TPSG1: variants seen among roughly 807,000 people sequenced by gnomAD.
TPSG1 encodes tryptase gamma 1, also known as tryptase gamma.
TPSG1 carries 43 observed loss-of-function variants against 23.8 expected under a neutral mutation model. The ratio of observed to expected loss-of-function variants is 1.81; its 90% CI spans 1.42 to 2.33. The LOEUF is 2.33. Ranked by LOEUF, TPSG1 falls within the 30% of genes most tolerant of loss-of-function variation. The pLI is 0.00. For missense variants in TPSG1, 623 were observed against 438.6 expected, an observed-to-expected ratio of 1.42 and a Z score of -3.75; for synonymous variants, 302 against 201.3, an observed-to-expected ratio of 1.50 and a Z score of -4.23.
At position 1,222,862 on chromosome 16, in the gene TPSG1, A is replaced by G; in HGVS notation, c.301T>C (p.Ser101Pro). 5 of 1,610,678 alleles carry G rather than the reference A, an allele frequency of 3.1e-6. No homozygotes were observed. Among genetic ancestry groups the G allele is most frequent in the Non-Finnish European group, 3.4e-6 (4 of 1,179,190 alleles). Residue 101 changes from serine to proline, a missense_variant, in exon 4 of 6, where the codon TCT becomes CCT. Ser to Pro is a moderately conservative substitution (Grantham distance 74, BLOSUM62 -1). Transcript: ENST00000234798. ...TGCCTCACGGTGGAGAAGTGGGGAG[A>G]CAGAGTGATCTCCAGTTCCCCCAGG... is the stretch of plus-strand genomic sequence containing the variant. ...VHLGELEITL[S>P]PHFSTVRQII...
rs35574733 is a variant in TPSG1 at position 1,223,786 on chromosome 16, C to G, written c.74-192G>C. On this transcript the variant is annotated intron_variant, in intron 2 of 5. Transcript: ENST00000234798. The stretch of plus-strand genomic sequence containing the variant: ...GACGTCTCAGGAGCAGTGAGCGCGC[C>G]TGGGGCTCAGGTCGTCCTTTCTAAG... The G allele has an allele frequency of 7.1e-3, 4,531 of 640,280 alleles. 27 individuals carry two copies. The highest frequency in any genetic ancestry group is 9.8e-3 in the Non-Finnish European group (3,866 of 393,234). The allele number at this position is 640,280 out of a possible 1,614,324, so 39.7% of individuals were successfully genotyped here.
intron 1 of TPSG1, chr16:1,224,889 C>A: frequency 1.7e-6 from 1 of 598,502 alleles, no homozygotes. Context: ...CCAGGTCCTG[C>A]TCAGGAAAGA....
In TPSG1 at chr16:1,225,131, C is replaced by T. The variant is rs1029998283; in HGVS notation, c.46+76G>A. Reference sequence around the variant, plus strand: ...ATGTTTCTCCGTCTCAGACCAGCCCCCAGTTTCACCCCCATCAGGGGTCCA... The same window carrying T: ...ATGTTTCTCCGTCTCAGACCAGCCCTCAGTTTCACCCCCATCAGGGGTCCA... On this transcript the variant is annotated intron_variant, in intron 1 of 5. Transcript: ENST00000234798. 16 of 1,517,950 alleles carry T rather than the reference C, an allele frequency of 1.1e-5. No homozygotes were observed. The East Asian group carries it at 3.4e-4, about 33-fold the overall frequency. The allele number at this position is 1,517,950 out of a possible 1,614,324, so 94.0% of individuals were successfully genotyped here.
chr16:1,221,736 C>T lies in TPSG1; in HGVS notation c.*52G>A, dbSNP rs943871168. On this transcript the variant is annotated 3_prime_UTR_variant, in exon 6 of 6. Coordinates refer to ENST00000234798, the MANE Select transcript of TPSG1 (RefSeq NM_012467.4). The stretch of plus-strand genomic sequence containing the variant: ...AGCTTCTCAAGGGAGAGGGAGGGGG[C>T]GGAGCGGAATAAATAGTAACTTATT... 45 of 1,490,610 alleles carry T rather than the reference C, an allele frequency of 3.0e-5. No individual in the cohort carries two copies. The highest frequency in any genetic ancestry group is 8.3e-5 in the African/African-American group (6 of 72,346). 92.3% of individuals were successfully genotyped at this position (1,490,610 alleles called of 1,614,324 possible).
In TPSG1 at chr16:1,225,240, C is replaced by T. The variant is rs146375850; in HGVS notation, c.13G>A (p.Ala5Thr). ...GCCAGGAGCAGCAGGAGGCCACAGG[C>T]CCCAAGGGCCATGGTGTCTGCCCAC... MALG[A>T]CGLLLLLAVP... The change falls in exon 1 of 6, where the codon GCC (alanine) becomes ACC (threonine). Residue 5 changes from alanine to threonine, a missense_variant. Physicochemically the swap from Ala to Thr is moderately conservative, Grantham distance 58. Transcript: ENST00000234798. The T allele has an allele frequency of 4.6e-5, 73 of 1,575,972 alleles. No individual in the cohort carries two copies. Among genetic ancestry groups the T allele is most frequent in the Non-Finnish European group, 5.8e-5 (67 of 1,161,120 alleles).
chr16:1,222,423 A>C (rs913820151), intron 4 of TPSG1, 82 bp from the exon 5 acceptor site: 79 of 1,338,546 alleles, frequency 5.9e-5, no homozygotes, highest in Non-Finnish European at 7.6e-5. Context: ...GCCAGACACA[A>C]GTCCCATGCC....
chr16:1,222,204 C>CT lies in TPSG1; in HGVS notation c.648_649insA (p.Ala217SerfsTer28). On this transcript the variant is annotated frameshift_variant, in exon 5 of 6. Coordinates refer to ENST00000234798, the MANE Select transcript of TPSG1 (RefSeq NM_012467.4). LOFTEE classifies it low-confidence loss of function (END_TRUNC). The stretch of plus-strand genomic sequence containing the variant: ...CGGCCTGGCAGGCTCACCTGGCAGG[C>CT]ATCCCCGGGGCCCCGGGCACACAGC... 1.2e-6 allele frequency: 2 copies of CT among 1,611,516 alleles called. No individual in the cohort carries two copies. Among genetic ancestry groups the CT allele is most frequent in the Admixed American group, 3.3e-5 (2 of 59,984 alleles).
At position 1,221,934 on chromosome 16, in the gene TPSG1, C is replaced by T. The variant is rs779377466; in HGVS notation, c.820G>A (p.Gly274Ser). Reference sequence around the variant, plus strand: ...AGCCTGGGGTACCCAGACTCTGAGCCCCCTGATGCTGTGATGTGGCGGCGG... The same window carrying T: ...AGCCTGGGGTACCCAGACTCTGAGCTCCCTGATGCTGTGATGTGGCGGCGG... ...WIRRHITASG[G>S]SESGYPRLPL... The change falls in exon 6 of 6, where the codon GGC becomes AGC. Residue 274 changes from glycine to serine, a missense_variant. Coordinates refer to ENST00000234798, the MANE Select transcript of TPSG1 (RefSeq NM_012467.4). 2 of 1,611,346 alleles carry T rather than the reference C, an allele frequency of 1.2e-6. No individual in the cohort carries two copies. Among genetic ancestry groups the T allele is most frequent in the East Asian group, 2.2e-5 (1 of 44,828 alleles).
intron 2 of TPSG1, 145 bp from the exon 3 acceptor site, chr16:1,223,739 G>A: frequency 1.0e-6 from 1 of 982,968 alleles, no homozygotes; most frequent in Non-Finnish European, 1.5e-6. Flanking sequence ...CTCCCCAGAA[G>A]CATCGTGGGT....
At chr16:1,223,907 C>G (rs1024191151) in intron 2 of TPSG1, 2 of 422,368 alleles carry the variant, frequency 4.7e-6, no homozygotes, top group Non-Finnish European at 4.2e-6. Flanking sequence ...ACGGTGGAGC[C>G]CCCGAGAAGG....
intron 1 of TPSG1, 59 bp downstream of exon 1, chr16:1,225,148 A>T (rs1555522626): frequency 1.3e-6 from 2 of 1,529,852 alleles, no homozygotes; most frequent in Non-Finnish European, 1.8e-6. Context: ...CACCCCCATC[A>T]GGGGTCCAGG....
chr16:1,221,702 A>C lies in TPSG1; in HGVS notation c.*86T>G. On this transcript the variant is annotated 3_prime_UTR_variant, in exon 6 of 6. Coordinates refer to ENST00000234798, the MANE Select transcript of TPSG1 (RefSeq NM_012467.4). ...GTTAAATGTTGCAATAATCTGATGC[A>C]GAAGACTCAGCTTCTCAAGGGAGAG... is the stretch of plus-strand genomic sequence containing the variant. 1 of 1,298,922 alleles carries C rather than the reference A, an allele frequency of 7.7e-7. No homozygotes were observed. 80.5% of individuals were successfully genotyped at this position (1,298,922 alleles called of 1,614,324 possible).
At chr16:1,225,084 C>T in intron 1 of TPSG1, 123 bp downstream of exon 1, 2 of 1,259,812 alleles carry the variant, frequency 1.6e-6, no homozygotes, top group East Asian at 2.6e-5. Flanking sequence ...AGACACGGGG[C>T]CCCACAGGGT....
At chr16:1,223,226 C>G (rs947808055) in intron 3 of TPSG1, among the ~76,000 whole-genome samples, 197 bp downstream of exon 3, 1 of 152,244 alleles carries the variant, frequency 6.6e-6, no homozygotes, top group Admixed American at 6.5e-5. Context: ...AGGGAGCTGT[C>G]CATCCCTAGA....
chr16:1,221,723 G>A lies in TPSG1; in HGVS notation c.*65C>T, dbSNP rs1390427379. 2 of 1,434,006 alleles carry A rather than the reference G, an allele frequency of 1.4e-6. No homozygotes were observed. The highest frequency in any genetic ancestry group is 1.4e-5 in the African/African-American group (1 of 70,640). The allele number at this position is 1,434,006 out of a possible 1,614,324, so 88.8% of individuals were successfully genotyped here. On this transcript the variant is annotated 3_prime_UTR_variant, in exon 6 of 6. Coordinates refer to ENST00000234798, the MANE Select transcript of TPSG1 (RefSeq NM_012467.4). ...ATGCAGAAGACTCAGCTTCTCAAGG[G>A]AGAGGGAGGGGGCGGAGCGGAATAA... is the stretch of plus-strand genomic sequence containing the variant.
intron 1 of TPSG1, 150 bp from the exon 2 acceptor site, chr16:1,224,778 G>T: frequency 1.1e-6 from 1 of 915,136 alleles, no homozygotes; most frequent in Non-Finnish European, 1.7e-6. Context: ...TGGGTCAACT[G>T]CTGTCTCACT....
At chr16:1,222,438 C>G in intron 4 of TPSG1, 97 bp from the exon 5 acceptor site, 1 of 1,275,302 alleles carries the variant, frequency 7.8e-7, no homozygotes, top group Non-Finnish European at 1.1e-6. Context: ...CATGCCACCA[C>G]GACCCTCGTC....
rs548446907 is a variant in TPSG1 at position 1,223,523 on chromosome 16, A to G, written c.145T>C (p.Trp49Arg). The G allele has an allele frequency of 9.0e-6, 14 of 1,554,226 alleles. No homozygotes were observed. The African/African-American group carries it at 9.5e-5, about 11-fold the overall frequency. The change falls in exon 3 of 6, where the codon TGG (tryptophan) becomes CGG (arginine). Residue 49 changes from tryptophan (W) to arginine (R), a missense_variant. Coordinates refer to ENST00000234798, the MANE Select transcript of TPSG1 (RefSeq NM_012467.4). ...AGGCGGAGGCTGGCCTGCCATGGCC[A>G]TGCGCCGGCCGGGGCAGCGTGACCC... is the stretch of plus-strand genomic sequence containing the variant. Reference protein sequence around the residue: ...VGGHAAPAGAWPWQASLRLRR... With the variant: ...VGGHAAPAGARPWQASLRLRR...
rs115172581 is a variant in TPSG1, at chr16:1,222,529, G to A, written c.511+123C>T. 6.9e-4 allele frequency: 950 copies of A among 1,380,522 alleles called. 8 individuals are homozygous for A. In the African/African-American group the frequency reaches 0.013, roughly 18 times the overall value. The allele number at this position is 1,380,522 out of a possible 1,614,324, so 85.5% of individuals were successfully genotyped here. A position where few individuals can be genotyped will look rare whatever the true frequency, so the allele number is the denominator to read the frequency against. On this transcript the variant is annotated intron_variant, in intron 4 of 5. Coordinates refer to ENST00000234798, the MANE Select transcript of TPSG1 (RefSeq NM_012467.4). ...GCTTTGAAAAGGGACAGCCGATAGGGGCGGCCTTGGCTGGGTGTGGAAGCC... is the reference window on the plus strand; with the variant it reads ...GCTTTGAAAAGGGACAGCCGATAGGAGCGGCCTTGGCTGGGTGTGGAAGCC...
Sources: allele counts gnomAD v4.1 joint callset (sites outside exome capture counted in the v4.1 genomes callset), GRCh38; gene constraint gnomAD v4.1.1; transcripts MANE v1.5; gene names NCBI Gene and HGNC (gene_info 2026-07-23, HGNC 2026-07-21).